The following CRYL1 variants were observed in gnomAD, a reference collection of about 807,000 sequenced individuals.
CRYL1 encodes the protein lambda-crystallin homolog.
A neutral mutation model predicts 36.6 loss-of-function variants in CRYL1; 29 were observed. The ratio of observed to expected loss-of-function variants is 0.79; its 90% CI spans 0.59 to 1.08. The LOEUF (loss-of-function observed/expected upper bound fraction) is 1.08, where lower values mean the gene tolerates loss of function less well. Among genes scored for constraint, CRYL1 ranks in the 50% least tolerant of loss-of-function variants. The pLI is 0.00. For synonymous variants in CRYL1, 152 were observed against 151.5 expected (o/e 1.00, Z -0.02); for missense variants, 411 against 407.9 (o/e 1.01, Z -0.06).
intron 2 of CRYL1, among the ~76,000 whole-genome samples, chr13:20,501,577 T>G (rs2033705112): frequency 6.6e-6 from 1 of 152,184 alleles, no homozygotes. Context: ...TCTGAGGATC[T>G]GAAGAGCTAA....
chr13:20,504,302 C>CTTTTTTTTTTTTTTTTTTTTT (rs757657892), intron 2 of CRYL1, among the ~76,000 whole-genome samples: 2 of 128,490 alleles, frequency 1.6e-5, no homozygotes, highest in African/African-American at 3.0e-5. Context: ...CTTTTCTTTT[C>CTTTTTTTTTTTTTTTTTTTTT]TTTTTTTTTT....
At chr13:20,458,973 C>T (rs536136517) in intron 3 of CRYL1, among the ~76,000 whole-genome samples, 38 of 152,326 alleles carry the variant, frequency 2.5e-4, no homozygotes, top group African/African-American at 7.9e-4. Context: ...TCAGCCACCA[C>T]GCCTGTAATC....
chr13:20,483,654 C>G (rs923012547), intron 3 of CRYL1, among the ~76,000 whole-genome samples: 1 of 152,126 alleles, frequency 6.6e-6, no homozygotes, highest in African/African-American at 2.4e-5. Context: ...ATCCTCCCAC[C>G]TCAGCCTCCC....
chr13:20,485,412 C>T (rs892188671), intron 3 of CRYL1, among the ~76,000 whole-genome samples: 1 of 152,030 alleles, frequency 6.6e-6, no homozygotes, highest in South Asian at 2.1e-4. Context: ...CCTGTAATCC[C>T]AGGACTTTGG....
intron 5 of CRYL1, among the ~76,000 whole-genome samples, chr13:20,414,869 C>A (rs1233655062): frequency 6.6e-6 from 1 of 152,184 alleles, no homozygotes; most frequent in Non-Finnish European, 1.5e-5. Flanking sequence ...GTCAGGAGGG[C>A]GGACGGAGGG....
chr13:20,453,552 TAAA>T (rs1283777613), intron 3 of CRYL1, among the ~76,000 whole-genome samples: 2 of 151,742 alleles, frequency 1.3e-5, no homozygotes, highest in African/African-American at 4.8e-5. Flanking sequence ...TTTACATTAA[TAAA>T]GAAGAATATC....
intron 2 of CRYL1, among the ~76,000 whole-genome samples, chr13:20,492,670 A>AT: frequency 6.6e-6 from 1 of 152,164 alleles, no homozygotes; most frequent in East Asian, 1.9e-4. Flanking sequence ...CTATTCCAGG[A>AT]TAATCTCCCC....
intron 3 of CRYL1, among the ~76,000 whole-genome samples, chr13:20,452,107 G>GCA (rs1489864702): frequency 3.3e-5 from 5 of 151,952 alleles, no homozygotes; most frequent in Non-Finnish European, 5.9e-5. Flanking sequence ...CATAAAGATG[G>GCA]CAACCACAGA....
At chr13:20,495,697 T>C (rs567508575) in intron 2 of CRYL1, among the ~76,000 whole-genome samples, 16 of 152,350 alleles carry the variant, frequency 1.1e-4, no homozygotes, top group Admixed American at 2.0e-4. Flanking sequence ...GTCATGTTCC[T>C]AGCAGTGTTG....
intron 4 of CRYL1, among the ~76,000 whole-genome samples, chr13:20,433,364 C>A (rs2032118792): frequency 6.6e-6 from 1 of 152,306 alleles, no homozygotes; most frequent in Non-Finnish European, 1.5e-5. Context: ...GCCAAGTATA[C>A]CACAGCAAAC....
At chr13:20,505,423 A>C (rs1272224226) in intron 2 of CRYL1, among the ~76,000 whole-genome samples, 1 of 151,394 alleles carries the variant, frequency 6.6e-6, no homozygotes, top group Non-Finnish European at 1.5e-5. Flanking sequence ...GGTGGAATAG[A>C]CGGTGAGAAA....
At chr13:20,414,038 G>C (rs60059282) in intron 5 of CRYL1, among the ~76,000 whole-genome samples, 2,282 of 152,122 alleles carry the variant, frequency 0.015, 64 homozygotes, top group African/African-American at 0.053. Context: ...CGCCGGGCAT[G>C]GTGGTGCATG....
chr13:20,460,633 C>T (rs957938420), intron 3 of CRYL1, among the ~76,000 whole-genome samples: 26 of 149,028 alleles, frequency 1.7e-4, no homozygotes, highest in East Asian at 5.9e-4. Flanking sequence ...TCACGCCATT[C>T]TCCTGCCTCA....
intron 5 of CRYL1, among the ~76,000 whole-genome samples, chr13:20,429,499 A>G (rs2032006816): frequency 6.6e-6 from 1 of 152,186 alleles, no homozygotes; most frequent in Non-Finnish European, 1.5e-5. Flanking sequence ...AACCGGCCAC[A>G]GCAGCATAGA....
intron 3 of CRYL1, among the ~76,000 whole-genome samples, chr13:20,452,605 T>C (rs552074770): frequency 6.6e-6 from 1 of 152,304 alleles, no homozygotes; most frequent in East Asian, 1.9e-4. Context: ...GTGACAATAC[T>C]GTGTATGATA....
At chr13:20,405,270 C>CAAA (rs1191835975) in intron 6 of CRYL1, among the ~76,000 whole-genome samples, 1 of 129,096 alleles carries the variant, frequency 7.7e-6, no homozygotes, top group East Asian at 2.2e-4. Context: ...GACTCCGTCT[C>CAAA]AAAAAAAAAA....
At chr13:20,421,729 C>A (rs796827477) in intron 5 of CRYL1, among the ~76,000 whole-genome samples, 36 of 152,284 alleles carry the variant, frequency 2.4e-4, no homozygotes, top group African/African-American at 7.5e-4. Flanking sequence ...TTTATATTCA[C>A]TGCTCAAGCA....
chr13:20,454,496 C>T (rs1044732952), intron 3 of CRYL1, among the ~76,000 whole-genome samples: 3 of 149,410 alleles, frequency 2.0e-5, no homozygotes, highest in Non-Finnish European at 4.4e-5. Context: ...CGGCTCACTG[C>T]AAGCTCCGCC....
Position 20,413,400 on chromosome 13 carries a change from A to G in CRYL1, c.634-13T>C. ...ACACGATTCCTTCCTACGTGGAGAA[A>G]TTGGGCGGCATAGATGAGTTTTGTA... On this transcript the variant is annotated splice_polypyrimidine_tract_variant and intron_variant, in intron 5 of 7. Transcript: ENST00000298248. The G allele has an allele frequency of 6.5e-7, 1 of 1,544,974 alleles. No homozygotes were observed. The highest frequency in any genetic ancestry group is 8.9e-7 in the Non-Finnish European group (1 of 1,120,708).
Sources: gnomAD v4.1 joint callset for allele counts (sites outside exome capture counted in the v4.1 genomes callset) on GRCh38, gnomAD v4.1.1 for gene constraint, MANE v1.5 for transcripts, NCBI Gene and HGNC (gene_info 2026-07-23, HGNC 2026-07-21) for gene names.